CFAP299: variants seen among roughly 807,000 people sequenced by gnomAD.
CFAP299 encodes the protein cilia and flagella associated protein 299.
Under a neutral mutation model 27.0 loss-of-function variants are expected in CFAP299, and 21 were observed. The ratio of observed to expected loss-of-function variants is 0.78; its 90% CI spans 0.55 to 1.12. CFAP299 has a LOEUF of 1.12. CFAP299 is among the 50% of genes most tolerant of loss of function. CFAP299 has a pLI of 0.00. For synonymous variants in CFAP299, 104 were observed against 98.1 expected, an observed-to-expected ratio of 1.06 and a Z score of -0.36; for missense variants, 310 against 276.6, an observed-to-expected ratio of 1.12 and a Z score of -0.86.
At chr4:80,461,390 G>T (rs891675419) in intron 2 of CFAP299, among the ~76,000 whole-genome samples, 1 of 152,150 alleles carries the variant, frequency 6.6e-6, no homozygotes, top group Non-Finnish European at 1.5e-5. Context: ...TTCTTTCAGG[G>T]TCTGCTGTCT....
rs189075588 is a variant in CFAP299, at chr4:80,701,558, C to T, written c.333+118375C>T. 2.4e-4 allele frequency among the ~76,000 whole-genome samples: 37 copies of T among 152,022 alleles called. No homozygotes were observed. The East Asian group carries it at 5.8e-3, about 24-fold the overall frequency. ...ACTCAGATGTAAGTCCATTTATCTA[C>T]ACTGGTTTTAGGCATGAAATCCAGT... On this transcript the variant is annotated intron_variant, in intron 3 of 5. Coordinates refer to ENST00000358105, the MANE Select transcript of CFAP299 (RefSeq NM_152770.3).
At chr4:80,857,101 T>C (rs142523291) in intron 3 of CFAP299, among the ~76,000 whole-genome samples, 22,673 of 152,134 alleles carry the variant, frequency 0.15, 2,036 homozygotes, top group Middle Eastern at 0.28. Context: ...TTGTAGTTCT[T>C]CTTGAAGATG....
intron 2 of CFAP299, among the ~76,000 whole-genome samples, chr4:80,460,642 T>C (rs551821135): frequency 1.5e-4 from 23 of 152,312 alleles, no homozygotes; most frequent in Non-Finnish European, 2.9e-5. Context: ...TATTCTGTTG[T>C]GTTTAACCAC....
intron 3 of CFAP299, among the ~76,000 whole-genome samples, chr4:80,799,842 T>A (rs1188759082): frequency 1.1e-4 from 4 of 37,084 alleles, no homozygotes; most frequent in South Asian, 9.5e-4. Flanking sequence ...ATATATTATA[T>A]TATATAATAT....
rs1230144770 is a variant in CFAP299 at position 80,486,456 on chromosome 4, CCTAATATTGA to C, written c.243-96636_243-96627del. Among the ~76,000 whole-genome samples the C allele has an allele frequency of 3.3e-5, 5 of 152,166 alleles. No individual in the cohort carries two copies. In the South Asian group the frequency reaches 1.0e-3, roughly 31 times the overall value. On this transcript the variant is annotated intron_variant, in intron 2 of 5. Transcript: ENST00000358105. ...GGCTGCTAAAGGAAAAAGTTCTAGC[CCTAATATTGA>C]GTTTTAGGACTTTCAGGATCTCTAG...
chr4:80,367,253 A>G lies in CFAP299; in HGVS notation c.242+4369A>G, dbSNP rs1171280385. Among the ~76,000 whole-genome samples the G allele has an allele frequency of 2.0e-5, 3 of 152,236 alleles. No homozygotes were observed. In the East Asian group the frequency reaches 5.8e-4, roughly 29 times the overall value. Reference sequence around the variant, plus strand: ...ATTGCAATGGAAGATGATAAATGCAATCGTAAGTACTGTGGCAACATTTTG... The same window carrying G: ...ATTGCAATGGAAGATGATAAATGCAGTCGTAAGTACTGTGGCAACATTTTG... On this transcript the variant is annotated intron_variant, in intron 2 of 5. Transcript: ENST00000358105.
chr4:80,664,133 TTTAG>T (rs1403601819), intron 3 of CFAP299, among the ~76,000 whole-genome samples: 1 of 152,106 alleles, frequency 6.6e-6, no homozygotes, highest in Non-Finnish European at 1.5e-5. Flanking sequence ...AGCTCTTTAG[TTTAG>T]TTAGATTCCC....
chr4:80,556,546 C>T (rs79505365), intron 2 of CFAP299, among the ~76,000 whole-genome samples: 6,086 of 152,010 alleles, frequency 0.04, 359 homozygotes, highest in African/African-American at 0.13. Flanking sequence ...TCAGATTTGA[C>T]AGTACTTCCT....
chr4:80,776,171 G>T (rs1424478156), intron 3 of CFAP299, among the ~76,000 whole-genome samples: 1 of 152,118 alleles, frequency 6.6e-6, no homozygotes. Flanking sequence ...GCTTGTACAG[G>T]TGATTAAGAG....
At chr4:80,587,001 G>C (rs116581504) in intron 3 of CFAP299, among the ~76,000 whole-genome samples, 157 of 152,262 alleles carry the variant, frequency 1.0e-3, no homozygotes, top group African/African-American at 3.5e-3. Flanking sequence ...GAATTAGGTG[G>C]TTCCTAATAT....
chr4:80,687,995 G>A (rs969563830), intron 3 of CFAP299, among the ~76,000 whole-genome samples: 25 of 152,154 alleles, frequency 1.6e-4, no homozygotes, highest in Non-Finnish European at 3.7e-4. Context: ...CTTAAAAAAC[G>A]GCGCACCAGG....
chr4:80,500,321 C>A (rs1731679192), intron 2 of CFAP299, among the ~76,000 whole-genome samples: 1 of 152,118 alleles, frequency 6.6e-6, no homozygotes, highest in African/African-American at 2.4e-5. Context: ...AAAGCAGCTT[C>A]ATTCAGTGTT....
At chr4:80,554,269 TG>T (rs1734680267) in intron 2 of CFAP299, among the ~76,000 whole-genome samples, 1 of 152,184 alleles carries the variant, frequency 6.6e-6, no homozygotes, top group Non-Finnish European at 1.5e-5. Flanking sequence ...TGCTTATTTT[TG>T]TCAGGTTTTC....
intron 3 of CFAP299, among the ~76,000 whole-genome samples, chr4:80,837,350 T>C (rs574856556): frequency 3.7e-4 from 57 of 152,292 alleles, no homozygotes; most frequent in Admixed American, 7.8e-4. Context: ...GTTTGTTACA[T>C]AGGTATACAT....
At chr4:80,488,105 T>C (rs1433731302) in intron 2 of CFAP299, among the ~76,000 whole-genome samples, 1 of 152,336 alleles carries the variant, frequency 6.6e-6, no homozygotes, top group East Asian at 1.9e-4. Flanking sequence ...TTGGACAAAG[T>C]ACTGTTGCCT....
At chr4:80,693,985 T>G (rs1462980783) in intron 3 of CFAP299, among the ~76,000 whole-genome samples, 1 of 152,186 alleles carries the variant, frequency 6.6e-6, no homozygotes, top group Non-Finnish European at 1.5e-5. Context: ...AAATCATTCC[T>G]ATGATTTCCC....
At chr4:80,543,061 C>G (rs936500348) in intron 2 of CFAP299, among the ~76,000 whole-genome samples, 3 of 152,134 alleles carry the variant, frequency 2.0e-5, no homozygotes, top group African/African-American at 7.2e-5. Context: ...CTGGTCCCAG[C>G]CACCTAGGGT....
intron 2 of CFAP299, among the ~76,000 whole-genome samples, chr4:80,381,880 T>C (rs974997835): frequency 2.0e-5 from 3 of 152,202 alleles, no homozygotes; most frequent in Admixed American, 6.5e-5. Flanking sequence ...TCCTTCCTCC[T>C]GTTCCTTTTT....
At chr4:80,632,515 C>G (rs749689083) in intron 3 of CFAP299, among the ~76,000 whole-genome samples, 20 of 152,074 alleles carry the variant, frequency 1.3e-4, no homozygotes, top group Admixed American at 2.6e-4. Flanking sequence ...ACAATATTAA[C>G]AAGTCTCTTG....
Sources: gnomAD v4.1 joint callset for allele counts (sites outside exome capture counted in the v4.1 genomes callset) on GRCh38, gnomAD v4.1.1 for gene constraint, MANE v1.5 for transcripts, NCBI Gene and HGNC (gene_info 2026-07-23, HGNC 2026-07-21) for gene names.